The following LRMDA variants were observed in gnomAD, a reference collection of about 807,000 sequenced individuals.
LRMDA encodes the protein leucine-rich melanocyte differentiation-associated protein.
A neutral mutation model predicts 29.8 loss-of-function variants in LRMDA; 18 were observed. That is an observed-to-expected ratio of 0.60 (90% confidence interval 0.42 to 0.90). The LOEUF (loss-of-function observed/expected upper bound fraction) is 0.90, where lower values mean the gene tolerates loss of function less well. LRMDA is among the 40% of genes least tolerant of loss of function. LRMDA has a pLI of 0.00. For missense variants in LRMDA, 273 were observed against 273.9 expected (o/e 1.00, Z 0.02); for synonymous variants, 125 against 109.4 (o/e 1.14, Z -0.89).
chr10:76,056,865 C>G (rs1002860522), intron 4 of LRMDA, among the ~76,000 whole-genome samples: 1 of 152,142 alleles, frequency 6.6e-6, no homozygotes, highest in Non-Finnish European at 1.5e-5. Flanking sequence ...GCTCCTGCCC[C>G]ACCAACTCAG....
Position 75,714,863 on chromosome 10 carries a change from C to CTTCCTTCCTTCCTTCCTTCT in LRMDA, c.131+276389_131+276408dup, listed in dbSNP as rs1198232483. ...CCTCCCTCCCTCCCTCCCTCCCTTC[C>CTTCCTTCCTTCCTTCCTTCT]TTCCTTCCTTCCTTCCTTCTTTCCT... is the stretch of plus-strand genomic sequence containing the variant. On this transcript the variant is annotated intron_variant, in intron 2 of 6. Transcript: ENST00000611255. Among the ~76,000 whole-genome samples, 252 of 138,678 alleles carry CTTCCTTCCTTCCTTCCTTCT rather than the reference C, an allele frequency of 1.8e-3. 2 individuals carry two copies. The highest frequency in any genetic ancestry group is 6.7e-3 in the African/African-American group (243 of 36,232). The allele number at this position is 138,678 out of a possible 152,430, so 91.0% of individuals were successfully genotyped here.
At chr10:76,505,455 T>C (rs564344182) in intron 6 of LRMDA, among the ~76,000 whole-genome samples, 1 of 152,082 alleles carries the variant, frequency 6.6e-6, no homozygotes, top group South Asian at 2.1e-4. Flanking sequence ...TTTTGTTCAT[T>C]TTTTAAAAAT....
At chr10:76,444,089 A>T (rs1488600468) in intron 6 of LRMDA, among the ~76,000 whole-genome samples, 1 of 152,150 alleles carries the variant, frequency 6.6e-6, no homozygotes, top group Non-Finnish European at 1.5e-5. Flanking sequence ...CCACAAAACC[A>T]AAGCTTTGTT....
chr10:76,388,373 G>T (rs1236857277), intron 6 of LRMDA, among the ~76,000 whole-genome samples: 1 of 152,150 alleles, frequency 6.6e-6, no homozygotes, highest in East Asian at 1.9e-4. Flanking sequence ...TTCACCCTCA[G>T]CTGGGAAGAC....
chr10:75,719,027 G>C (rs530434264), intron 2 of LRMDA, among the ~76,000 whole-genome samples: 89 of 152,300 alleles, frequency 5.8e-4, no homozygotes, highest in African/African-American at 2.0e-3. Context: ...ATCCCTAAGA[G>C]AGTTAAAAAG....
chr10:75,859,597 G>GCA (rs1363796946), intron 2 of LRMDA, among the ~76,000 whole-genome samples: 1 of 96,300 alleles, frequency 1.0e-5, no homozygotes, highest in East Asian at 3.1e-4. Flanking sequence ...TATATTCAGG[G>GCA]CATACACACA....
intron 2 of LRMDA, among the ~76,000 whole-genome samples, chr10:75,570,775 C>G (rs1047126615): frequency 6.6e-6 from 1 of 152,206 alleles, no homozygotes; most frequent in African/African-American, 2.4e-5. Context: ...CCTGGTACTA[C>G]TGACTTGCAG....
At chr10:76,441,923 A>G in intron 6 of LRMDA, among the ~76,000 whole-genome samples, 1 of 152,152 alleles carries the variant, frequency 6.6e-6, no homozygotes, top group East Asian at 1.9e-4. Flanking sequence ...GTATTTTCCT[A>G]GTCATAGCAG....
chr10:75,718,655 A>G (rs1589169549), intron 2 of LRMDA, among the ~76,000 whole-genome samples: 1 of 152,372 alleles, frequency 6.6e-6, no homozygotes, highest in East Asian at 1.9e-4. Context: ...CAGAAATCAG[A>G]CAGAATTCAA....
intron 2 of LRMDA, among the ~76,000 whole-genome samples, chr10:75,629,369 C>T (rs1208401445): frequency 6.6e-6 from 1 of 152,174 alleles, no homozygotes; most frequent in Non-Finnish European, 1.5e-5. Flanking sequence ...CTCCCCTTCT[C>T]CTTTCTGGAT....
intron 2 of LRMDA, among the ~76,000 whole-genome samples, chr10:75,464,527 C>T (rs1844627750): frequency 6.6e-6 from 1 of 152,134 alleles, no homozygotes; most frequent in Admixed American, 6.5e-5. Flanking sequence ...AGCAATAAGG[C>T]TCTGTAGCTG....
chr10:76,145,385 T>G (rs190526249), intron 5 of LRMDA, among the ~76,000 whole-genome samples: 13 of 152,320 alleles, frequency 8.5e-5, no homozygotes, highest in African/African-American at 2.9e-4. Flanking sequence ...TTTGGTCTAT[T>G]AAGAGATTCA....
In LRMDA at chr10:76,406,678, G is replaced by A. The variant is rs148277204; in HGVS notation, c.601+82193G>A. ...CATTGATACACAAGGCTGATTCAGG[G>A]TGGGTTGTCAGGTGTCCTTTCATTC... On this transcript the variant is annotated intron_variant, in intron 6 of 6. Coordinates refer to ENST00000611255, the MANE Select transcript of LRMDA (RefSeq NM_001305581.2). 4.7e-4 allele frequency among the ~76,000 whole-genome samples: 71 copies of A among 152,258 alleles called. No individual in the cohort carries two copies. In the East Asian group the frequency reaches 9.3e-3, roughly 20 times the overall value.
chr10:76,536,818 G>A (rs1408297409), intron 6 of LRMDA, among the ~76,000 whole-genome samples: 1 of 152,026 alleles, frequency 6.6e-6, no homozygotes, highest in African/African-American at 2.4e-5. Context: ...TAATTAATAA[G>A]TGACCTAAAG....
At chr10:76,299,191 A>ATGTGTGTG (rs1840449692) in intron 5 of LRMDA, among the ~76,000 whole-genome samples, 1 of 114,130 alleles carries the variant, frequency 8.8e-6, no homozygotes, top group African/African-American at 4.6e-5. Context: ...GTGTGTGTGC[A>ATGTGTGTG]TGCACGCACG....
rs568108122 is a variant in LRMDA, at chr10:76,043,579, G to T, written c.259-3585G>T. Among the ~76,000 whole-genome samples, 212 of 151,920 alleles carry T rather than the reference G, an allele frequency of 1.4e-3. 1 individual carries two copies. The highest frequency in any genetic ancestry group is 4.9e-3 in the African/African-American group (205 of 41,454). On this transcript the variant is annotated intron_variant, in intron 3 of 6. Coordinates refer to ENST00000611255, the MANE Select transcript of LRMDA (RefSeq NM_001305581.2). ...AAAAAAAAAAAAATCACATGATCAT[G>T]TGACTCTATTACCAGGGTCTTTCCC...
At chr10:75,695,450 T>G (rs763527484) in intron 2 of LRMDA, among the ~76,000 whole-genome samples, 1 of 152,150 alleles carries the variant, frequency 6.6e-6, no homozygotes, top group Non-Finnish European at 1.5e-5. Context: ...GCATTTCTGT[T>G]GCCCCAGAGC....
chr10:75,584,988 A>G (rs1840639853), intron 2 of LRMDA, among the ~76,000 whole-genome samples: 1 of 152,364 alleles, frequency 6.6e-6, no homozygotes, highest in Non-Finnish European at 1.5e-5. Flanking sequence ...TTTTGCTGAC[A>G]TAGAACATAC....
intron 6 of LRMDA, among the ~76,000 whole-genome samples, chr10:76,384,385 G>T (rs1372385758): frequency 1.3e-5 from 2 of 152,164 alleles, no homozygotes; most frequent in Non-Finnish European, 2.9e-5. Flanking sequence ...ATGATATAAA[G>T]AAATGGAGAG....
Sources: gnomAD v4.1 joint callset for allele counts (sites outside exome capture counted in the v4.1 genomes callset) on GRCh38, gnomAD v4.1.1 for gene constraint, MANE v1.5 for transcripts, NCBI Gene and HGNC (gene_info 2026-07-23, HGNC 2026-07-21) for gene names.